NAPEPLD: variants seen among roughly 807,000 people sequenced by gnomAD.
The protein encoded by NAPEPLD is N-acyl phosphatidylethanolamine phospholipase D, also known as N-acyl-phosphatidylethanolamine-hydrolyzing phospholipase D.
A neutral mutation model predicts 38.1 loss-of-function variants in NAPEPLD; 23 were observed. The ratio of observed to expected loss-of-function variants is 0.60; its 90% CI spans 0.43 to 0.86. NAPEPLD has a LOEUF of 0.86. Ranked by LOEUF, NAPEPLD falls within the 40% of genes least tolerant of loss-of-function variation. The pLI is 0.00. For missense variants in NAPEPLD, 411 were observed against 476.8 expected (o/e 0.86, Z 1.28); for synonymous variants, 147 against 162.0 (o/e 0.91, Z 0.71).
At chr7:103,141,614 T>C in intron 1 of NAPEPLD, 2 of 916,706 alleles carry the variant, frequency 2.2e-6, no homozygotes, top group Non-Finnish European at 3.7e-6. Context: ...AGATTCACGG[T>C]ATCTTCTGAG....
chr7:103,134,598 C>T (rs558848632), intron 1 of NAPEPLD, among the ~76,000 whole-genome samples: 11 of 151,870 alleles, frequency 7.2e-5, no homozygotes, highest in Non-Finnish European at 1.2e-4. Flanking sequence ...TGCAGTGAGC[C>T]GAGATTCCAG....
intron 4 of NAPEPLD, among the ~76,000 whole-genome samples, chr7:103,112,285 T>G (rs949682800): frequency 6.6e-6 from 1 of 152,162 alleles, no homozygotes; most frequent in African/African-American, 2.4e-5. Context: ...ATCATTCTAC[T>G]ATAAAGACTC....
Position 103,119,792 on chromosome 7 carries a change from A to T in NAPEPLD, c.726T>A (p.Asp242Glu), listed in dbSNP as rs1014431462. The T allele has an allele frequency of 6.2e-6, 10 of 1,614,080 alleles. No individual in the cohort carries two copies. The highest frequency in any genetic ancestry group is 3.3e-5 in the Admixed American group (2 of 59,994). The change falls in exon 3 of 5, where the codon GAT becomes GAA. Residue 242 changes from aspartate to glutamate, a missense_variant. Transcript: ENST00000465647. ...AAGGTGTAAAGACAAAAGTGACCTT[A>T]TCATGTCCGGGGACACAATTCTCCT... ...WWEENCVPGHDKVTFVFTPSQ... is the reference protein window; with the variant it reads ...WWEENCVPGHEKVTFVFTPSQ...
intron 4 of NAPEPLD, among the ~76,000 whole-genome samples, chr7:103,108,817 C>G (rs1585826866): frequency 1.3e-5 from 2 of 152,164 alleles, no homozygotes; most frequent in East Asian, 3.9e-4. Flanking sequence ...AGAGTCAAGA[C>G]CCATCAGTGT....
At chr7:103,149,637 G>T (rs750620482), upstream of NAPEPLD, 4 of 409,150 alleles carry the variant, frequency 9.8e-6, no homozygotes, top group African/African-American at 4.5e-5. Flanking sequence ...TAAAGGAAGC[G>T]CCTGGGAGCA....
chr7:103,109,563 C>G (rs1485296382), intron 4 of NAPEPLD, among the ~76,000 whole-genome samples: 1 of 152,154 alleles, frequency 6.6e-6, no homozygotes, highest in South Asian at 2.1e-4. Context: ...AGGACAAAGA[C>G]ACAATGTACC....
intron 1 of NAPEPLD, among the ~76,000 whole-genome samples, chr7:103,148,344 T>A (rs1585916376): frequency 6.6e-6 from 1 of 151,788 alleles, no homozygotes; most frequent in East Asian, 1.9e-4. Flanking sequence ...TTTAAAAGGC[T>A]GTTAAACTTT....
At chr7:103,111,506 G>A (rs1250611325) in intron 4 of NAPEPLD, among the ~76,000 whole-genome samples, 1 of 152,146 alleles carries the variant, frequency 6.6e-6, no homozygotes, top group Non-Finnish European at 1.5e-5. Context: ...ACAAGCAATG[G>A]GGAAAGGATT....
Position 103,120,075 on chromosome 7 carries a change from G to T in NAPEPLD, c.443C>A (p.Pro148His), listed in dbSNP as rs751075529. 2 of 1,614,148 alleles carry T rather than the reference G, an allele frequency of 1.2e-6. No individual in the cohort carries two copies. Among genetic ancestry groups the T allele is most frequent in the Non-Finnish European group, 1.7e-6 (2 of 1,180,024 alleles). The change falls in exon 3 of 5, where the codon CCC (proline) becomes CAC (histidine). Residue 148 changes from proline to histidine, a missense_variant. By Grantham distance (77) the Pro-to-His change is moderately conservative (BLOSUM62 -2). Coordinates refer to ENST00000465647, the MANE Select transcript of NAPEPLD (RefSeq NM_001122838.3). ...TGGTGAAGCACGAGAGCTAAAGATG[G>T]GATCCGTGAGAAATATGAGCTCATC... ...EMDELIFLTD[P>H]IFSSRASPSQ...
chr7:103,135,612 C>G (rs1042037072), intron 1 of NAPEPLD, among the ~76,000 whole-genome samples: 6 of 151,964 alleles, frequency 3.9e-5, no homozygotes, highest in Non-Finnish European at 5.9e-5. Flanking sequence ...TGCTAAGAAG[C>G]TAAAAGAAAA....
upstream of NAPEPLD, chr7:103,149,334 A>C: frequency 8.8e-7 from 1 of 1,136,940 alleles, no homozygotes; most frequent in Non-Finnish European, 1.1e-6. Flanking sequence ...GCTTCCGGCC[A>C]CAGAGTCCCC....
At chr7:103,112,363 T>A (rs1804698978) in intron 4 of NAPEPLD, among the ~76,000 whole-genome samples, 1 of 152,112 alleles carries the variant, frequency 6.6e-6, no homozygotes, top group Non-Finnish European at 1.5e-5. Context: ...CAAATGCCCA[T>A]CAATGATAGA....
chr7:103,139,715 G>A (rs969759763), intron 1 of NAPEPLD, among the ~76,000 whole-genome samples: 5 of 152,168 alleles, frequency 3.3e-5, no homozygotes, highest in South Asian at 4.1e-4. Flanking sequence ...AGTGTCATGC[G>A]TGGTCCATCC....
chr7:103,104,639 C>T (rs546048426), intron 4 of NAPEPLD, among the ~76,000 whole-genome samples: 79 of 152,278 alleles, frequency 5.2e-4, no homozygotes, highest in African/African-American at 1.6e-3. Context: ...TTGGTTTTAA[C>T]TGTATGCTGG....
intron 4 of NAPEPLD, among the ~76,000 whole-genome samples, 178 bp downstream of exon 4, chr7:103,114,882 T>C (rs1180881390): frequency 6.6e-6 from 1 of 151,772 alleles, no homozygotes; most frequent in African/African-American, 2.4e-5. Flanking sequence ...TTTCTGACTG[T>C]ATATGTGTGT....
intron 4 of NAPEPLD, among the ~76,000 whole-genome samples, chr7:103,106,608 C>T (rs1232726161): frequency 6.6e-6 from 1 of 152,042 alleles, no homozygotes; most frequent in Non-Finnish European, 1.5e-5. Context: ...GGCAGTTTTC[C>T]CCTCACAGTG....
intron 1 of NAPEPLD, chr7:103,141,596 A>G (rs796156969): frequency 1.1e-6 from 1 of 948,092 alleles, no homozygotes; most frequent in Non-Finnish European, 1.7e-6. Context: ...GCGGCGATCA[A>G]TCTTCTTAGA....
chr7:103,121,285 A>G (rs557267395), intron 2 of NAPEPLD, among the ~76,000 whole-genome samples: 3 of 152,278 alleles, frequency 2.0e-5, no homozygotes, highest in Middle Eastern at 3.4e-3. Context: ...AGGCCAACAA[A>G]AAGTGGTAAG....
At chr7:103,104,739 G>T (rs2129526263) in intron 4 of NAPEPLD, among the ~76,000 whole-genome samples, 1 of 152,144 alleles carries the variant, frequency 6.6e-6, no homozygotes, top group East Asian at 1.9e-4. Flanking sequence ...AAAGAAAAAA[G>T]ATCACTAATT....
Sources: allele counts gnomAD v4.1 joint callset (sites outside exome capture counted in the v4.1 genomes callset), GRCh38; gene constraint gnomAD v4.1.1; transcripts MANE v1.5; gene names NCBI Gene and HGNC (gene_info 2026-07-23, HGNC 2026-07-21).